Variants in CNOT2 observed in about 807,000 individuals in gnomAD.
CNOT2 encodes CC chemokine receptor 4-negative regulator of transcription 2.
A neutral mutation model predicts 72.1 loss-of-function variants in CNOT2; 7 were observed. That is an observed-to-expected ratio of 0.10 (90% CI 0.06 to 0.18). The LOEUF (loss-of-function observed/expected upper bound fraction) is 0.18. Ranked by LOEUF, CNOT2 falls within the 10% of genes least tolerant of loss-of-function variation. CNOT2 has a pLI of 1.00. For missense variants in CNOT2, 345 were observed against 660.3 expected (o/e 0.52, Z 5.23); for synonymous variants, 196 against 225.6 (o/e 0.87, Z 1.17).
chr12:70,337,369 G>A lies in CNOT2; in HGVS notation c.776-20G>A. 2 of 1,591,424 alleles carry A rather than the reference G, an allele frequency of 1.3e-6. No individual in the cohort carries two copies. The highest frequency in any genetic ancestry group is 1.7e-6 in the Non-Finnish European group (2 of 1,162,208). On this transcript the variant is annotated intron_variant, in intron 8 of 15. Transcript: ENST00000229195. Reference sequence around the variant, plus strand: ...TCATAAATATCAATTGCAATTCTCCGGATTATTTTCATTACATAGTTGGAA... The same window carrying A: ...TCATAAATATCAATTGCAATTCTCCAGATTATTTTCATTACATAGTTGGAA...
chr12:70,338,903 C>T, intron 11 of CNOT2, 81 bp downstream of exon 11: 1 of 1,165,880 alleles, frequency 8.6e-7, no homozygotes, highest in South Asian at 1.4e-5. Flanking sequence ...ATCAAATTAT[C>T]TCACCTACTG....
At chr12:70,348,818 A>G (rs1410904600) in intron 15 of CNOT2, among the ~76,000 whole-genome samples, 1 of 151,852 alleles carries the variant, frequency 6.6e-6, no homozygotes, top group Non-Finnish European at 1.5e-5. Flanking sequence ...TTTAAAGAAA[A>G]TTGTATCTAT....
At chr12:70,245,350 T>C (rs1957832740) in intron 1 of CNOT2, among the ~76,000 whole-genome samples, 1 of 152,228 alleles carries the variant, frequency 6.6e-6, no homozygotes, top group African/African-American at 2.4e-5. Flanking sequence ...TTCTCTCATA[T>C]TTTCTGAGAG....
chr12:70,328,347 C>T (rs1247582827), intron 4 of CNOT2, among the ~76,000 whole-genome samples: 2 of 151,894 alleles, frequency 1.3e-5, no homozygotes, highest in Non-Finnish European at 2.9e-5. Context: ...CTGAAGTCAT[C>T]TACTTACTGA....
chr12:70,345,095 C>T (rs984861753), intron 14 of CNOT2: 5 of 152,048 alleles, frequency 3.3e-5, no homozygotes, highest in African/African-American at 1.2e-4. Context: ...AGTTTTCTGT[C>T]GTTACTCAAA....
At chr12:70,268,118 T>C (rs1233325168) in intron 1 of CNOT2, among the ~76,000 whole-genome samples, 1 of 152,240 alleles carries the variant, frequency 6.6e-6, no homozygotes, top group East Asian at 1.9e-4. Context: ...TTTCATTTTG[T>C]CCAAAGAATC....
intron 11 of CNOT2, chr12:70,341,893 C>G: frequency 1.7e-6 from 1 of 591,964 alleles, no homozygotes; most frequent in Non-Finnish European, 3.0e-6. Flanking sequence ...TACTGTATTG[C>G]AAGAATACTG....
chr12:70,283,827 T>G (rs183732512), intron 2 of CNOT2, among the ~76,000 whole-genome samples: 1 of 152,122 alleles, frequency 6.6e-6, no homozygotes, highest in East Asian at 1.9e-4. Context: ...TACAGCTGCT[T>G]AAGATGAAGT....
At chr12:70,343,210 A>C (rs1360811417) in intron 13 of CNOT2, among the ~76,000 whole-genome samples, 1 of 152,182 alleles carries the variant, frequency 6.6e-6, no homozygotes, top group African/African-American at 2.4e-5. Flanking sequence ...GAGAAATACT[A>C]ATTTAGGAGA....
At chr12:70,311,346 T>G (rs1876419331) in intron 3 of CNOT2, among the ~76,000 whole-genome samples, 1 of 151,994 alleles carries the variant, frequency 6.6e-6, no homozygotes. Flanking sequence ...TGTTTGATAT[T>G]AAAACAAATG....
At chr12:70,273,476 A>T (rs1464450066) in intron 1 of CNOT2, among the ~76,000 whole-genome samples, 2 of 152,118 alleles carry the variant, frequency 1.3e-5, no homozygotes, top group African/African-American at 4.8e-5. Flanking sequence ...CAGATATATT[A>T]TTTTCATTTA....
At chr12:70,263,986 G>A (rs1032767369) in intron 1 of CNOT2, among the ~76,000 whole-genome samples, 4 of 152,118 alleles carry the variant, frequency 2.6e-5, no homozygotes, top group East Asian at 3.9e-4. Context: ...GACCATTTCC[G>A]ATTGTCTTTT....
chr12:70,280,913 C>T (rs1055840134), intron 2 of CNOT2, among the ~76,000 whole-genome samples: 1 of 152,118 alleles, frequency 6.6e-6, no homozygotes, highest in Non-Finnish European at 1.5e-5. Context: ...TATTATATGG[C>T]TCATGGTTCA....
chr12:70,337,287 G>A, intron 8 of CNOT2, 102 bp from the exon 9 acceptor site: 1 of 925,832 alleles, frequency 1.1e-6, no homozygotes, highest in Admixed American at 2.5e-5. Context: ...TTAAAAAAAA[G>A]AAACCTTTTG....
At chr12:70,328,623 A>G (rs930370790) in intron 4 of CNOT2, among the ~76,000 whole-genome samples, 2 of 151,908 alleles carry the variant, frequency 1.3e-5, no homozygotes, top group African/African-American at 4.8e-5. Context: ...TGATCTGAAT[A>G]AAAACTCAGG....
intron 2 of CNOT2, among the ~76,000 whole-genome samples, chr12:70,283,311 A>G (rs1241680553): frequency 6.6e-6 from 1 of 152,096 alleles, no homozygotes; most frequent in Non-Finnish European, 1.5e-5. Context: ...AAATAAAATC[A>G]TAGCTGAGTG....
rs940733191 is a variant in CNOT2, at chr12:70,353,863, G to A, written c.1571G>A (p.Arg524Gln). Reference protein sequence around the residue: ...FHLEYDKLEERPHLPSTFNYN... With the variant: ...FHLEYDKLEEQPHLPSTFNYN... ...CTGGAATATGACAAATTAGAAGAAC[G>A]GCCTCACCTGCCATCCACCTTCAAC... Residue 524 changes from arginine (R) to glutamine (Q), a missense_variant, in exon 16 of 16, where the codon CGG (arginine) becomes CAG (glutamine). By Grantham distance (43) the Arg-to-Gln change is conservative. Transcript: ENST00000229195. 4.4e-6 allele frequency: 7 copies of A among 1,600,120 alleles called. No homozygotes were observed. The highest frequency in any genetic ancestry group is 6.0e-6 in the Non-Finnish European group (7 of 1,175,764).
intron 3 of CNOT2, among the ~76,000 whole-genome samples, chr12:70,316,665 C>T (rs555243356): frequency 2.0e-4 from 30 of 152,244 alleles, no homozygotes; most frequent in African/African-American, 6.0e-4. Flanking sequence ...TTACTAACCA[C>T]CTTCATGTAG....
intron 3 of CNOT2, among the ~76,000 whole-genome samples, chr12:70,316,551 AT>A (rs1206770389): frequency 1.1e-4 from 17 of 152,310 alleles, no homozygotes; most frequent in African/African-American, 3.1e-4. Context: ...ATTTTAAGAT[AT>A]GTCTGTATAG....
Sources: gnomAD v4.1 joint callset for allele counts (sites outside exome capture counted in the v4.1 genomes callset) on GRCh38, gnomAD v4.1.1 for gene constraint, MANE v1.5 for transcripts, NCBI Gene and HGNC (gene_info 2026-07-23, HGNC 2026-07-21) for gene names.